Variants in DDX11 observed in about 807,000 individuals in gnomAD.
DDX11 encodes DEAD/H-box helicase 11.
Under a neutral mutation model 125.2 loss-of-function variants are expected in DDX11, and 72 were observed. The ratio of observed to expected loss-of-function variants is 0.58; its 90% CI spans 0.48 to 0.70. The LOEUF (loss-of-function observed/expected upper bound fraction) is 0.70. DDX11 is among the 30% of genes least tolerant of loss of function. The pLI is 0.00. For missense variants in DDX11, 883 were observed against 1,165.0 expected (o/e 0.76, Z 3.52); for synonymous variants, 347 against 452.6 (o/e 0.77, Z 2.96).
chr12:31,079,415 G>A (rs1192177995), intron 2 of DDX11, among the ~76,000 whole-genome samples: 1 of 141,050 alleles, frequency 7.1e-6, no homozygotes, highest in African/African-American at 2.8e-5. Flanking sequence ...AGGCTGGAAA[G>A]TTGAAGATCC....
chr12:31,104,163 T>C lies in DDX11; in HGVS notation c.*327T>C. On this transcript the variant is annotated 3_prime_UTR_variant, in exon 27 of 27. Transcript: ENST00000542838. ...TCTCCGCAGGAGGCTGTGGCAGCTG[T>C]GGCATCCACTGTGGCATCTCCGTCC... is the stretch of plus-strand genomic sequence containing the variant. The C allele has an allele frequency of 1.4e-6, 2 of 1,432,728 alleles. No individual in the cohort carries two copies. The allele number at this position is 1,432,728 out of a possible 1,614,324, so 88.8% of individuals were successfully genotyped here. A position where few individuals can be genotyped will look rare whatever the true frequency, so the allele number is the denominator to read the frequency against.
At position 31,085,120 on chromosome 12, in the gene DDX11, C is replaced by T. The variant is rs772152833; in HGVS notation, c.632C>T (p.Ala211Val). Residue 211 changes from alanine to valine, a missense_variant, in exon 5 of 27, where the codon GCG becomes GTG. Transcript: ENST00000542838. ...GAGAGTGATGAGGAGAAAAAGGTGG[C>T]GAGCAGGTGAGACAGAGGCGGTAGC... ...EYESDEEKKVASRVDEDEDDL... is the reference protein window; with the variant it reads ...EYESDEEKKVVSRVDEDEDDL... 2.6e-5 allele frequency: 40 copies of T among 1,562,274 alleles called. No individual in the cohort carries two copies. The highest frequency in any genetic ancestry group is 1.6e-4 in the African/African-American group (12 of 73,730).
intron 6 of DDX11, 109 bp downstream of exon 6, chr12:31,088,092 A>T: frequency 6.7e-7 from 1 of 1,492,626 alleles, no homozygotes; most frequent in Non-Finnish European, 9.2e-7. Flanking sequence ...CCTCTCCACA[A>T]AGGAGGAGCT....
At chr12:31,101,439 C>G (rs1946360913) in intron 20 of DDX11, 2 of 512,896 alleles carry the variant, frequency 3.9e-6, no homozygotes, top group Admixed American at 3.2e-5. Flanking sequence ...TTGGTTATAT[C>G]TGCCCCTGCC....
chr12:31,097,900 G>A lies in DDX11; in HGVS notation c.1778G>A (p.Ser593Asn). ...ILSRQGSLSQ[S>N]TLKFLLLNPA... ...GTTTTTCCAGGCAGCCTCAGTCAGA[G>A]CACCCTGAAGTTTTTGCTCCTGAAT... is the stretch of plus-strand genomic sequence containing the variant. Residue 593 changes from serine (S) to asparagine (N), a missense_variant, in exon 18 of 27, where the codon AGC becomes AAC. Ser to Asn is a conservative substitution (Grantham distance 46). Around this residue, in one of 5 missense-constraint regions of DDX11, gnomAD observed 241 missense variants for 279.7 expected, o/e 0.86. Transcript: ENST00000542838. 6.2e-7 allele frequency: 1 copy of A among 1,613,134 alleles called. No individual in the cohort carries two copies.
rs562871852 is a variant in DDX11, at chr12:31,088,714, C to T, written c.685-330C>T. ...CCTCCCACCAACAACCCACCCTCCC[C>T]AAGTGGGGACCCTTTGCCACGGGAG... On this transcript the variant is annotated intron_variant, in intron 6 of 26. Transcript: ENST00000542838. Among the ~76,000 whole-genome samples the T allele has an allele frequency of 4.4e-4, 67 of 152,330 alleles. 1 individual carries two copies. Among genetic ancestry groups the T allele is most frequent in the African/African-American group, 1.5e-3 (62 of 41,568 alleles).
chr12:31,100,610 G>T, intron 18 of DDX11, 25 bp from the exon 19 acceptor site: 3 of 1,248,600 alleles, frequency 2.4e-6, no homozygotes, highest in Non-Finnish European at 3.3e-6. Context: ...TCATGGGGCC[G>T]TGACGCTGTG....
chr12:31,095,932 T>C (rs1453395844), intron 14 of DDX11, among the ~76,000 whole-genome samples: 1 of 152,100 alleles, frequency 6.6e-6, no homozygotes, highest in Admixed American at 6.5e-5. Flanking sequence ...ACCACACACA[T>C]TGGATGCACC....
chr12:31,098,389 T>C (rs1359284525), intron 18 of DDX11, among the ~76,000 whole-genome samples: 2 of 152,282 alleles, frequency 1.3e-5, no homozygotes, highest in Non-Finnish European at 2.9e-5. Context: ...AAAGTACGGC[T>C]CCCTCCATGT....
Position 31,102,217 on chromosome 12 carries a change from T to C in DDX11, c.2203-26T>C. ...AGACCTGGCACCCTGAACCTGTCTCTGGGAAATGTCCTCTGTCTTTCTCAG... is the reference window on the plus strand; with the variant it reads ...AGACCTGGCACCCTGAACCTGTCTCCGGGAAATGTCCTCTGTCTTTCTCAG... On this transcript the variant is annotated intron_variant, in intron 21 of 26. Transcript: ENST00000542838. 4 of 1,611,182 alleles carry C rather than the reference T, an allele frequency of 2.5e-6. No individual in the cohort carries two copies. The South Asian group carries it at 4.4e-5, about 18-fold the overall frequency.
intron 11 of DDX11, 30 bp downstream of exon 11, chr12:31,092,922 C>G: frequency 6.2e-7 from 1 of 1,613,784 alleles, no homozygotes; most frequent in Non-Finnish European, 8.5e-7. Context: ...GGTAGTGGGA[C>G]AGTCCCTTGG....
intron 12 of DDX11, 25 bp downstream of exon 12, chr12:31,093,349 C>A: frequency 6.2e-7 from 1 of 1,613,730 alleles, no homozygotes; most frequent in Non-Finnish European, 8.5e-7. Flanking sequence ...CCCCTGCTGA[C>A]CCCGGGCCTG....
At chr12:31,091,266 G>A (rs1306716223) in intron 9 of DDX11, 1 of 153,448 alleles carries the variant, frequency 6.5e-6, no homozygotes, top group African/African-American at 2.5e-5. Context: ...CTTTGAAATA[G>A]GATGTATCAA....
intron 5 of DDX11, among the ~76,000 whole-genome samples, chr12:31,085,474 T>C (rs1206966809): frequency 1.3e-5 from 2 of 152,244 alleles, no homozygotes; most frequent in African/African-American, 2.4e-5. Flanking sequence ...TCAGCTGGCC[T>C]GGCTCTAGAT....
Position 31,083,919 on chromosome 12 carries a change from T to A in DDX11, c.251T>A (p.Leu84Ter), listed in dbSNP as rs772964461. Reference sequence around the variant, plus strand: ...CTCCTTGAAACTGGAACTGGCCCCTTACATGATGAGAAAGATGAATCCCTG... The same window carrying A: ...CTCCTTGAAACTGGAACTGGCCCCTAACATGATGAGAAAGATGAATCCCTG... ...ARLLETGTGP[L>*]HDEKDESLCL... The change falls in exon 3 of 27, where the codon TTA becomes TAA. Residue 84 changes from leucine to a stop codon, truncating the protein, a stop_gained. Coordinates refer to ENST00000542838, the MANE Select transcript of DDX11 (RefSeq NM_030653.4). LOFTEE classifies it high-confidence loss of function. 6.2e-7 allele frequency: 1 copy of A among 1,613,824 alleles called. No homozygotes were observed. The highest frequency in any genetic ancestry group is 8.5e-7 in the Non-Finnish European group (1 of 1,179,878).
chr12:31,085,439 C>T (rs565469434), intron 5 of DDX11, among the ~76,000 whole-genome samples: 2 of 152,352 alleles, frequency 1.3e-5, no homozygotes, highest in African/African-American at 2.4e-5. Flanking sequence ...CCACAAGCCT[C>T]GGCAGTGGAG....
chr12:31,103,639 CG>C lies in DDX11; in HGVS notation c.2601del (p.Pro869LeufsTer93). 1 of 1,614,062 alleles carries C rather than the reference CG, an allele frequency of 6.2e-7. No homozygotes were observed. Among genetic ancestry groups the C allele is most frequent in the Non-Finnish European group, 8.5e-7 (1 of 1,180,010 alleles). On this transcript the variant is annotated frameshift_variant, in exon 26 of 27. Transcript: ENST00000542838. LOFTEE classifies it high-confidence loss of function. ...SVVLLDQRYA[R>X]PPVLAKLPAW... Reference sequence around the variant, plus strand: ...AGTGCTCCTGGACCAGCGATATGCCCGGCCCCCTGTCCTGGCCAAGCTGCCG... The same window carrying C: ...AGTGCTCCTGGACCAGCGATATGCCCGCCCCCTGTCCTGGCCAAGCTGCCG...
chr12:31,092,863 C>T lies in DDX11; in HGVS notation c.1260C>T (p.Ser420=), dbSNP rs767314067. 6.2e-7 allele frequency: 1 copy of T among 1,614,014 alleles called. No individual in the cohort carries two copies. The highest frequency in any genetic ancestry group is 8.5e-7 in the Non-Finnish European group (1 of 1,179,874). The change falls in exon 11 of 27, where the codon TCC becomes TCT. Residue 420 remains serine, a synonymous_variant. Transcript: ENST00000542838. The stretch of plus-strand genomic sequence containing the variant: ...TTCCCCAGCTCTGCCAGGCCCATTC[C>T]CAGCTGCTGCAGTACGTGGAGCGAT... ...VSGSQLCQAH[S]QLLQYVERYG... is the part of the protein sequence containing the mutation.
intron 2 of DDX11, among the ~76,000 whole-genome samples, chr12:31,079,639 G>C (rs1245395859): frequency 5.5e-5 from 8 of 146,264 alleles, no homozygotes; most frequent in Admixed American, 2.1e-4. Context: ...GTCACATGGC[G>C]GGGTTAGGAT....
Sources: allele counts gnomAD v4.1 joint callset (sites outside exome capture counted in the v4.1 genomes callset), GRCh38; gene constraint gnomAD v4.1.1; regional missense constraint gnomAD v4.1.1; transcripts MANE v1.5; gene names NCBI Gene and HGNC (gene_info 2026-07-23, HGNC 2026-07-21).